EPM2A: variants seen among roughly 807,000 people sequenced by gnomAD.
EPM2A encodes laforin.
In EPM2A, 21 loss-of-function variants were observed where a neutral mutation model predicts 26.5. That is an observed-to-expected ratio of 0.79 (90% confidence interval 0.56 to 1.14). The LOEUF is 1.14. Ranked by LOEUF, EPM2A falls within the 50% of genes most tolerant of loss-of-function variation. The pLI is 0.00. For synonymous variants in EPM2A, 217 were observed against 177.6 expected, an observed-to-expected ratio of 1.22 and a Z score of -1.76; for missense variants, 458 against 440.8, an observed-to-expected ratio of 1.04 and a Z score of -0.35.
intron 4 of EPM2A, among the ~76,000 whole-genome samples, chr6:145,475,183 A>G (rs1327052383): frequency 6.6e-6 from 1 of 152,160 alleles, no homozygotes; most frequent in Non-Finnish European, 1.5e-5. Flanking sequence ...TGTTTTTTGC[A>G]GCACTGTTCA....
Position 145,668,511 on chromosome 6 carries a change from C to T in EPM2A, c.476+17611G>A, listed in dbSNP as rs78486208. On this transcript the variant is annotated intron_variant, in intron 2 of 3. Transcript: ENST00000367519. ...ATGAAAATAGGCACGATTTTTTTGG[C>T]ATTCATTTGTATCCTTTTTTATGTT... Among the ~76,000 whole-genome samples, 1,169 of 152,122 alleles carry T rather than the reference C, an allele frequency of 7.7e-3. 19 individuals carry two copies. Among genetic ancestry groups the T allele is most frequent in the African/African-American group, 0.027 (1,109 of 41,518 alleles).
chr6:145,411,713 T>C (rs555599788), intron 4 of EPM2A, among the ~76,000 whole-genome samples: 132 of 152,290 alleles, frequency 8.7e-4, no homozygotes, highest in Non-Finnish European at 1.6e-3. Context: ...AACCCACACA[T>C]GCCAAGCATT....
chr6:145,603,891 GCTATT>G (rs1394777190), intron 2 of EPM2A, among the ~76,000 whole-genome samples: 1 of 152,052 alleles, frequency 6.6e-6, no homozygotes, highest in African/African-American at 2.4e-5. Flanking sequence ...TTGTAAAGAA[GCTATT>G]CTAGAGATGA....
intron 4 of EPM2A, among the ~76,000 whole-genome samples, chr6:145,468,393 C>T (rs377763074): frequency 6.6e-6 from 1 of 152,050 alleles, no homozygotes; most frequent in South Asian, 2.1e-4. Context: ...ATTAGACTGC[C>T]AACTGAAATT....
rs562197057 is a variant in EPM2A at position 145,536,419 on chromosome 6, C to T, written c.341-33844G>A. Among the ~76,000 whole-genome samples, 136 of 152,260 alleles carry T rather than the reference C, an allele frequency of 8.9e-4. 2 individuals are homozygous for T. Among genetic ancestry groups the T allele is most frequent in the South Asian group, 4.8e-3 (23 of 4,822 alleles). On this transcript the variant is annotated intron_variant, in intron 2 of 3. Coordinates refer to the EPM2A transcript ENST00000450221. Reference sequence around the variant, plus strand: ...GAAGCAAGTCTCCTGCCTCAGCCTCCTGAGTAGCTGGCATTACAGGCCTGT... The same window carrying T: ...GAAGCAAGTCTCCTGCCTCAGCCTCTTGAGTAGCTGGCATTACAGGCCTGT...
At chr6:145,485,166 G>A (rs976266490) in intron 4 of EPM2A, among the ~76,000 whole-genome samples, 1 of 151,598 alleles carries the variant, frequency 6.6e-6, no homozygotes, top group Non-Finnish European at 1.5e-5. Context: ...TCCAATTTTG[G>A]GCCAGTATAT....
intron 1 of EPM2A, among the ~76,000 whole-genome samples, chr6:145,719,962 T>G (rs568864804): frequency 6.6e-6 from 1 of 152,356 alleles, no homozygotes; most frequent in East Asian, 1.9e-4. Flanking sequence ...TTAATAAAGT[T>G]AACACATTTT....
intron 2 of EPM2A, among the ~76,000 whole-genome samples, chr6:145,549,233 A>G (rs1436210940): frequency 6.6e-6 from 1 of 152,108 alleles, no homozygotes; most frequent in Non-Finnish European, 1.5e-5. Context: ...AATTCTTTAA[A>G]TGTTAATCTA....
At chr6:145,571,145 C>G (rs1466599656) in intron 2 of EPM2A, among the ~76,000 whole-genome samples, 1 of 151,858 alleles carries the variant, frequency 6.6e-6, no homozygotes, top group Non-Finnish European at 1.5e-5. Context: ...CCACTTCCAC[C>G]CCTTGATTCC....
intron 1 of EPM2A, chr6:145,720,844 C>T (rs892927905): frequency 2.0e-5 from 3 of 152,108 alleles, no homozygotes; most frequent in Non-Finnish European, 4.4e-5. Flanking sequence ...AGCCTTTTGA[C>T]TAAGGTTTAA....
chr6:145,558,442 C>A (rs1449865298), intron 2 of EPM2A, among the ~76,000 whole-genome samples: 2 of 151,980 alleles, frequency 1.3e-5, no homozygotes, highest in African/African-American at 4.8e-5. Context: ...TGGATATATA[C>A]CCAGAAGTGA....
At chr6:145,447,196 G>T (rs1380728037) in intron 4 of EPM2A, among the ~76,000 whole-genome samples, 2 of 152,094 alleles carry the variant, frequency 1.3e-5, no homozygotes, top group African/African-American at 4.8e-5. Flanking sequence ...AAGAAGGAAG[G>T]AAACCAATAG....
intron 2 of EPM2A, among the ~76,000 whole-genome samples, chr6:145,517,973 T>C (rs1361228726): frequency 6.6e-6 from 1 of 152,204 alleles, no homozygotes; most frequent in East Asian, 1.9e-4. Flanking sequence ...GTGAAGAGAT[T>C]CCTAAGGCCA....
rs2128554755 is a variant in EPM2A, at chr6:145,625,564, A to G, written c.*1852T>C. On this transcript the variant is annotated 3_prime_UTR_variant, in exon 4 of 4. Coordinates refer to ENST00000367519, the MANE Select transcript of EPM2A (RefSeq NM_005670.4). ...ATAGTTTAAAAATTTAATTTTTAAGATTAAATTTTCACAACACATTATGAC... is the reference window on the plus strand; with the variant it reads ...ATAGTTTAAAAATTTAATTTTTAAGGTTAAATTTTCACAACACATTATGAC... 1 of 635,886 alleles carries G rather than the reference A, an allele frequency of 1.6e-6. No individual in the cohort carries two copies. Among genetic ancestry groups the G allele is most frequent in the East Asian group, 2.8e-5 (1 of 36,352 alleles). 39.4% of individuals were successfully genotyped at this position (635,886 alleles called of 1,614,324 possible).
intron 4 of EPM2A, among the ~76,000 whole-genome samples, chr6:145,442,826 T>C (rs114888240): frequency 0.014 from 2,060 of 151,976 alleles, 45 homozygotes; most frequent in African/African-American, 0.045. Context: ...TGTAGTACAG[T>C]TTGAAGTTTC....
chr6:145,446,694 G>C (rs1779133311), intron 4 of EPM2A, among the ~76,000 whole-genome samples: 1 of 151,740 alleles, frequency 6.6e-6, no homozygotes, highest in African/African-American at 2.4e-5. Context: ...AGCTCCTCTT[G>C]CCTTTTGAGC....
At chr6:145,481,915 T>A (rs1436663716) in intron 4 of EPM2A, among the ~76,000 whole-genome samples, 1 of 130,624 alleles carries the variant, frequency 7.7e-6, no homozygotes, top group Non-Finnish European at 1.8e-5. Flanking sequence ...TTTGGATGAA[T>A]ACATAAATAA....
chr6:145,515,864 T>C (rs1436800513), intron 2 of EPM2A, among the ~76,000 whole-genome samples: 1 of 152,224 alleles, frequency 6.6e-6, no homozygotes, highest in African/African-American at 2.4e-5. Context: ...CATGCATTTG[T>C]ACAGTGTATT....
At chr6:145,540,157 A>G (rs116962511) in intron 2 of EPM2A, among the ~76,000 whole-genome samples, 2,605 of 152,212 alleles carry the variant, frequency 0.017, 26 homozygotes, top group Admixed American at 0.024. Context: ...TCCTCTTGAG[A>G]ACAGTGAGCA....
Sources: gnomAD v4.1 joint callset for allele counts (sites outside exome capture counted in the v4.1 genomes callset) on GRCh38, gnomAD v4.1.1 for gene constraint, MANE v1.5 for transcripts, NCBI Gene and HGNC (gene_info 2026-07-23, HGNC 2026-07-21) for gene names.